Variants in GLDC observed in about 807,000 individuals in gnomAD.
The protein encoded by GLDC is glycine dehydrogenase (decarboxylating), mitochondrial.
Under a neutral mutation model 121.3 loss-of-function variants are expected in GLDC, and 104 were observed. The observed-to-expected ratio is 0.86, with a 90% CI of 0.73 to 1.01. The LOEUF (loss-of-function observed/expected upper bound fraction) is 1.01. Ranked by LOEUF, GLDC falls within the 50% of genes least tolerant of loss-of-function variation. The pLI is 0.00. For missense variants in GLDC, 1,429 were observed against 1,306.6 expected, an observed-to-expected ratio of 1.09 and a Z score of -1.44; for synonymous variants, 546 against 480.6, an observed-to-expected ratio of 1.14 and a Z score of -1.78.
intron 15 of GLDC, among the ~76,000 whole-genome samples, chr9:6,580,651 C>T (rs924774920): frequency 6.6e-6 from 1 of 152,166 alleles, no homozygotes; most frequent in Non-Finnish European, 1.5e-5. Flanking sequence ...TGTCTCCTTG[C>T]GGGCTGGTTT....
At position 6,536,534 on chromosome 9, in the gene GLDC, A is replaced by C. The variant is rs559884467; in HGVS notation, c.2666-298T>G. 5.9e-5 allele frequency among the ~76,000 whole-genome samples: 9 copies of C among 152,330 alleles called. No individual in the cohort carries two copies. In the East Asian group the frequency reaches 1.7e-3, roughly 29 times the overall value. On this transcript the variant is annotated intron_variant, in intron 22 of 24. Coordinates refer to ENST00000321612, the MANE Select transcript of GLDC (RefSeq NM_000170.3). ...ACTGGCTAAACATTCAAAAATATTA[A>C]GTGAAAAAAGCAAGCCACATAATGA...
intron 9 of GLDC, among the ~76,000 whole-genome samples, chr9:6,593,448 G>A (rs1818420312): frequency 6.6e-6 from 1 of 151,752 alleles, no homozygotes; most frequent in Admixed American, 6.6e-5. Context: ...AAGGACTCAT[G>A]CCATCACACC....
At chr9:6,611,438 C>T (rs1478227822) in intron 3 of GLDC, among the ~76,000 whole-genome samples, 17 of 152,172 alleles carry the variant, frequency 1.1e-4, no homozygotes, top group Admixed American at 1.1e-3. Flanking sequence ...TGCCTGTAGT[C>T]CCAGCTACTC....
chr9:6,592,852 G>C lies in GLDC; in HGVS notation c.1400C>G (p.Thr467Arg), dbSNP rs777078850. The C allele has an allele frequency of 6.2e-7, 1 of 1,612,744 alleles. No individual in the cohort carries two copies. The highest frequency in any genetic ancestry group is 8.5e-7 in the Non-Finnish European group (1 of 1,179,690). The change falls in exon 10 of 25, where the codon ACA becomes AGA. Residue 467 changes from threonine (T) to arginine (R), a missense_variant and splice_region_variant. Thr to Arg is a moderately conservative substitution (Grantham distance 71). Transcript: ENST00000321612. Reference sequence around the variant, plus strand: ...AAAAATACTGAAAATTTGACTTACTGTGCCATCCTCAAAAAGCCGAAAATT... The same window carrying C: ...AAAAATACTGAAAATTTGACTTACTCTGCCATCCTCAAAAAGCCGAAAATT... ...QINFRLFEDG[T>R]LGISLDETVN...
rs368558991 is a variant in GLDC at position 6,605,245 on chromosome 9, G to C, written c.747C>G (p.Pro249=). ...CTTTTCCACTGAAGTCCATTTCACA[G>C]GGTAACTTCAGCTCAGTGAGGACTC... is the stretch of plus-strand genomic sequence containing the variant. The part of the protein sequence containing the change: ...YTGVLTELKL[P]CEMDFSGKDV... Residue 249 remains proline (P), a synonymous_variant, in exon 6 of 25, where the codon CCC becomes CCG. Transcript: ENST00000321612. 1.2e-6 allele frequency: 2 copies of C among 1,613,714 alleles called. No homozygotes were observed. The highest frequency in any genetic ancestry group is 1.7e-5 in the Admixed American group (1 of 60,014).
intron 19 of GLDC, 125 bp downstream of exon 19, chr9:6,554,544 A>C: frequency 2.7e-6 from 2 of 752,860 alleles, no homozygotes; most frequent in Non-Finnish European, 4.7e-6. Flanking sequence ...CAGCCCCTAC[A>C]AGTGCACTAC....
At position 6,592,180 on chromosome 9, in the gene GLDC, T is replaced by C. The variant is rs867836184; in HGVS notation, c.1445A>G (p.Asp482Gly). The C allele has an allele frequency of 1.2e-6, 2 of 1,608,878 alleles. No individual in the cohort carries two copies. The highest frequency in any genetic ancestry group is 1.7e-6 in the Non-Finnish European group (2 of 1,175,418). Residue 482 changes from aspartate (D) to glycine (G), a missense_variant, in exon 11 of 25, where the codon GAC becomes GGC. Transcript: ENST00000321612. The stretch of plus-strand genomic sequence containing the variant: ...ACAACCAAAGATCCACAACAAATCG[T>C]CCAGATCTTTTTCATTGACTGTTTC... ...LDETVNEKDL[D>G]DLLWIFGCES...
At chr9:6,612,253 T>TCTCTCACACA (rs1554648951) in intron 3 of GLDC, among the ~76,000 whole-genome samples, 1 of 150,002 alleles carries the variant, frequency 6.7e-6, no homozygotes, top group African/African-American at 2.5e-5. Flanking sequence ...TCTCTCTCTC[T>TCTCTCACACA]CACACACACT....
chr9:6,573,628 AG>A (rs1426286678), intron 15 of GLDC, among the ~76,000 whole-genome samples: 1 of 152,152 alleles, frequency 6.6e-6, no homozygotes, highest in Non-Finnish European at 1.5e-5. Context: ...GTGATACGTA[AG>A]GGTTTGGTGT....
At chr9:6,585,874 A>G (rs930385786) in intron 15 of GLDC, among the ~76,000 whole-genome samples, 6 of 115,836 alleles carry the variant, frequency 5.2e-5, no homozygotes, top group East Asian at 4.0e-4. Flanking sequence ...GTATGTATCT[A>G]TCTATCTATC....
intron 2 of GLDC, among the ~76,000 whole-genome samples, chr9:6,624,907 G>C (rs1455856560): frequency 6.6e-6 from 1 of 151,772 alleles, no homozygotes; most frequent in African/African-American, 2.4e-5. Flanking sequence ...AGAATCGCTT[G>C]AACCAGGGAG....
intron 9 of GLDC, 111 bp downstream of exon 9, chr9:6,594,903 C>G (rs1000469523): frequency 1.3e-6 from 1 of 763,910 alleles, no homozygotes; most frequent in Non-Finnish European, 2.4e-6. Flanking sequence ...TTCCTCGTTT[C>G]TCACTTGACT....
Position 6,639,672 on chromosome 9 carries a change from T to A in GLDC, c.334+4942A>T, listed in dbSNP as rs1392501945. 2.3e-3 allele frequency: 490 copies of A among 213,482 alleles called. 2 individuals carry two copies. Among genetic ancestry groups the A allele is most frequent in the South Asian group, 4.7e-3 (56 of 11,812 alleles). 13.2% of individuals were successfully genotyped at this position (213,482 alleles called of 1,614,324 possible). ...ATCTTTTCACCATAAAAAAAAAGTA[T>A]ATATATATATATATATGGACAAAAC... On this transcript the variant is annotated intron_variant, in intron 2 of 24. Transcript: ENST00000321612.
chr9:6,564,579 C>A (rs1339914498), intron 16 of GLDC, among the ~76,000 whole-genome samples: 1 of 152,218 alleles, frequency 6.6e-6, no homozygotes, highest in Non-Finnish European at 1.5e-5. Context: ...CTCTCGGCTC[C>A]TAGGCGATGC....
intron 2 of GLDC, chr9:6,639,168 C>T: frequency 2.5e-6 from 2 of 786,860 alleles, no homozygotes; most frequent in South Asian, 2.7e-5. Context: ...GAAGGAAGCT[C>T]CTGCCCCTCC....
Position 6,550,805 on chromosome 9 carries a change from C to T in GLDC, c.2567G>A (p.Arg856Lys). 4 of 1,601,112 alleles carry T rather than the reference C, an allele frequency of 2.5e-6. No homozygotes were observed. The highest frequency in any genetic ancestry group is 3.4e-6 in the Non-Finnish European group (4 of 1,168,092). The change falls in exon 21 of 25, where the codon AGA becomes AAA. Residue 856 changes from arginine to lysine, a missense_variant and splice_region_variant. By Grantham distance (26) the Arg-to-Lys change is conservative. Transcript: ENST00000321612. ...GATAGATTAAAGTTGATACTTGCCT[C>T]TTGCACCCCTGAAAAGAATTCTGTA... Reference protein sequence around the residue: ...THYRILFRGARGYVGHEFILD... With the variant: ...THYRILFRGAKGYVGHEFILD...
At chr9:6,571,605 T>C (rs1817969767) in intron 15 of GLDC, among the ~76,000 whole-genome samples, 1 of 152,192 alleles carries the variant, frequency 6.6e-6, no homozygotes, top group East Asian at 1.9e-4. Flanking sequence ...GATGGGTGGG[T>C]AGCATATACA....
rs1356152497 is a variant in GLDC, at chr9:6,551,199, A to G, written c.2458-285T>C. Among the ~76,000 whole-genome samples the G allele has an allele frequency of 2.6e-5, 4 of 152,254 alleles. No individual in the cohort carries two copies. The East Asian group carries it at 7.7e-4, about 29-fold the overall frequency. On this transcript the variant is annotated intron_variant, in intron 20 of 24. Coordinates refer to ENST00000321612, the MANE Select transcript of GLDC (RefSeq NM_000170.3). ...GACTACTGACTACTGTGTTATCTAA[A>G]GAGAGAAAAGAATTGTTCTTAAATT...
chr9:6,560,547 C>G (rs185623848), intron 16 of GLDC, among the ~76,000 whole-genome samples: 3 of 152,196 alleles, frequency 2.0e-5, no homozygotes, highest in Admixed American at 6.5e-5. Context: ...GCACTGTCCT[C>G]TCTCACAGGT....
Sources: allele counts gnomAD v4.1 joint callset (sites outside exome capture counted in the v4.1 genomes callset), GRCh38; gene constraint gnomAD v4.1.1; transcripts MANE v1.5; gene names NCBI Gene and HGNC (gene_info 2026-07-23, HGNC 2026-07-21).